The following SH2B2 variants were observed in gnomAD, a reference collection of about 807,000 sequenced individuals.
SH2B2 encodes the protein SH2B adaptor protein 2, also known as SH2B adapter protein 2.
Under a neutral mutation model 35.7 loss-of-function variants are expected in SH2B2, and 37 were observed. That is an observed-to-expected ratio of 1.04 (90% confidence interval 0.80 to 1.36). SH2B2 has a LOEUF of 1.36. Ranked by LOEUF, SH2B2 falls within the 40% of genes most tolerant of loss-of-function variation. The pLI, the probability that SH2B2 is intolerant of heterozygous loss-of-function variation, is 0.00. For synonymous variants in SH2B2, 383 were observed against 376.4 expected (o/e 1.02, Z -0.20); for missense variants, 852 against 817.7 (o/e 1.04, Z -0.51).
chr7:102,307,697 G>A (rs1048397175), intron 3 of SH2B2, among the ~76,000 whole-genome samples: 2 of 151,812 alleles, frequency 1.3e-5, no homozygotes, highest in Non-Finnish European at 2.9e-5. Flanking sequence ...TGTTCAGAGC[G>A]GGATTAAAGG....
chr7:102,299,507 T>G (rs1187855175), intron 1 of SH2B2, among the ~76,000 whole-genome samples: 1 of 152,008 alleles, frequency 6.6e-6, no homozygotes, highest in African/African-American at 2.4e-5. Flanking sequence ...GTCTTGAGTT[T>G]TGGAAATGAC....
rs1034548184 is a variant in SH2B2, at chr7:102,314,420, G to A, written c.1008G>A (p.Leu336=). ...TGGCCTCCTGCAGCTGTGAGCTCCTGACTGATGGTAGGTAGGGGGACAGGG... is the reference window on the plus strand; with the variant it reads ...TGGCCTCCTGCAGCTGTGAGCTCCTAACTGATGGTAGGTAGGGGGACAGGG... ...SRVASCSCEL[L]TDAVDLPRPP... Residue 336 remains leucine (L), a synonymous_variant, in exon 5 of 9, where the codon CTG becomes CTA. Coordinates refer to ENST00000444095, the MANE Select transcript of SH2B2 (RefSeq NM_001359228.2). 3.3e-5 allele frequency: 13 copies of A among 398,830 alleles called. No homozygotes were observed. In the East Asian group the frequency reaches 4.3e-4, roughly 13 times the overall value. 24.7% of individuals were successfully genotyped at this position (398,830 alleles called of 1,614,324 possible). A position where few individuals can be genotyped will look rare whatever the true frequency, so the allele number is the denominator to read the frequency against.
intron 4 of SH2B2, among the ~76,000 whole-genome samples, chr7:102,312,956 C>T (rs1793680337): frequency 6.6e-6 from 1 of 151,546 alleles, no homozygotes; most frequent in South Asian, 2.1e-4. Flanking sequence ...ATGGAGAAAC[C>T]CCATCTCTAC....
intron 1 of SH2B2, among the ~76,000 whole-genome samples, chr7:102,292,506 C>T (rs1282017443): frequency 2.8e-5 from 4 of 144,978 alleles, no homozygotes; most frequent in African/African-American, 7.7e-5. Flanking sequence ...ACTCCAGCCT[C>T]GGCAACAGAG....
intron 4 of SH2B2, among the ~76,000 whole-genome samples, chr7:102,310,747 G>A (rs987379463): frequency 1.3e-5 from 2 of 152,156 alleles, no homozygotes; most frequent in African/African-American, 2.4e-5. Context: ...CTCCTCCACC[G>A]CCCTCCGGAC....
intron 1 of SH2B2, among the ~76,000 whole-genome samples, chr7:102,291,991 A>G (rs1792690764): frequency 6.6e-6 from 1 of 152,080 alleles, no homozygotes; most frequent in South Asian, 2.1e-4. Context: ...GAGGAACAGC[A>G]GGATTGAAGG....
upstream of SH2B2, chr7:102,286,755 T>TAGGGGCGGGA (rs1554550895): frequency 9.5e-6 from 1 of 105,294 alleles, no homozygotes; most frequent in African/African-American, 3.5e-5. Context: ...GCGGCGCAAG[T>TAGGGGCGGGA]GGGGGCGGGA....
intron 7 of SH2B2, 53 bp downstream of exon 7, chr7:102,317,448 G>C (rs1554557314): frequency 6.9e-7 from 1 of 1,454,854 alleles, no homozygotes; most frequent in Non-Finnish European, 9.2e-7. Flanking sequence ...TGAGGGAGAG[G>C]GGTCATGGTG....
At chr7:102,311,991 T>C (rs886245286) in intron 4 of SH2B2, among the ~76,000 whole-genome samples, 2 of 151,110 alleles carry the variant, frequency 1.3e-5, no homozygotes, top group African/African-American at 2.4e-5. Context: ...GACAGGAGAA[T>C]TGCTTGAACC....
chr7:102,314,336 T>A lies in SH2B2; in HGVS notation c.924T>A (p.Gly308=). The change falls in exon 5 of 9, where the codon GGT becomes GGA. Residue 308 remains glycine, a splice_region_variant and synonymous_variant. Coordinates refer to ENST00000444095, the MANE Select transcript of SH2B2 (RefSeq NM_001359228.2). ...VADIQGCVDP[G]DSEEDTELSC... is the part of the protein sequence containing the mutation. ...TGGTTTCCATTTCTTGTCTCCACAG[T>A]GACAGTGAGGAAGACACCGAGCTCT... 2.5e-6 allele frequency: 1 copy of A among 398,574 alleles called. No homozygotes were observed. The allele number at this position is 398,574 out of a possible 1,614,324, so 24.7% of individuals were successfully genotyped here.
intron 3 of SH2B2, among the ~76,000 whole-genome samples, chr7:102,308,004 C>T (rs1793468995): frequency 6.6e-6 from 1 of 152,186 alleles, no homozygotes; most frequent in African/African-American, 2.4e-5. Context: ...CTCCTGAGCT[C>T]AGGAGATCTG....
chr7:102,300,753 A>G lies in SH2B2; in HGVS notation c.203A>G (p.Asn68Ser). ...TCCTTCTCCCGCCACTTCGCCGCCA[A>G]CTTCCTGGACGTCTTCGGCGAGGAG... ...GASFSRHFAANFLDVFGEEVR... is the reference protein window; with the variant it reads ...GASFSRHFAASFLDVFGEEVR... The change falls in exon 2 of 9, where the codon AAC becomes AGC. Residue 68 changes from asparagine to serine, a missense_variant. Around this residue, in one of 3 missense-constraint regions of SH2B2, gnomAD observed 294 missense variants for 286.6 expected, o/e 1.03. Transcript: ENST00000444095. The G allele has an allele frequency of 9.7e-6, 15 of 1,539,492 alleles. No homozygotes were observed. Among genetic ancestry groups the G allele is most frequent in the Non-Finnish European group, 1.3e-5 (15 of 1,139,388 alleles).
intron 1 of SH2B2, among the ~76,000 whole-genome samples, chr7:102,296,385 A>T (rs1792914529): frequency 6.6e-6 from 1 of 152,180 alleles, no homozygotes; most frequent in South Asian, 2.1e-4. Flanking sequence ...CGAGGGCATG[A>T]TCCTCTAACT....
intron 6 of SH2B2, 165 bp from the exon 7 acceptor site, chr7:102,317,022 C>CA (rs1166704505): frequency 9.7e-3 from 5,095 of 527,666 alleles, no homozygotes; most frequent in South Asian, 0.014. Flanking sequence ...AACTTCGTCT[C>CA]AAAAAAAAAA....
intron 4 of SH2B2, among the ~76,000 whole-genome samples, chr7:102,311,733 T>C (rs1315708211): frequency 6.6e-6 from 1 of 152,008 alleles, no homozygotes; most frequent in Non-Finnish European, 1.5e-5. Flanking sequence ...AAAAAGCATG[T>C]AAATTTATTT....
rs190698442 is a variant in SH2B2, at chr7:102,288,113, T to A, written c.-30+1019T>A. ...GAATTGCGTCCCAGAGTCAGGTCCCTGGAGCTCCTCTGGGAGGACTGGGGG... is the reference window on the plus strand; with the variant it reads ...GAATTGCGTCCCAGAGTCAGGTCCCAGGAGCTCCTCTGGGAGGACTGGGGG... On this transcript the variant is annotated intron_variant, in intron 1 of 8. Transcript: ENST00000444095. Among the ~76,000 whole-genome samples the A allele has an allele frequency of 2.7e-3, 405 of 152,210 alleles. 2 individuals are homozygous for A. The highest frequency in any genetic ancestry group is 8.8e-3 in the African/African-American group (366 of 41,560).
intron 3 of SH2B2, among the ~76,000 whole-genome samples, 154 bp from the exon 4 acceptor site, chr7:102,308,661 G>A (rs1220131283): frequency 5.9e-5 from 9 of 152,192 alleles, no homozygotes; most frequent in Non-Finnish European, 1.2e-4. Flanking sequence ...GGTGGTGCCC[G>A]ATGGTGACCC....
chr7:102,300,111 C>T (rs999572246), intron 1 of SH2B2, among the ~76,000 whole-genome samples: 1 of 152,176 alleles, frequency 6.6e-6, no homozygotes, highest in Non-Finnish European at 1.5e-5. Flanking sequence ...GCAACCTCTG[C>T]CTCTTGGGCT....
chr7:102,313,406 C>T (rs1793700856), intron 4 of SH2B2, among the ~76,000 whole-genome samples: 1 of 150,962 alleles, frequency 6.6e-6, no homozygotes, highest in South Asian at 2.1e-4. Context: ...TGAGATCGTG[C>T]CACTGCACTC....
Sources: gnomAD v4.1 joint callset for allele counts (sites outside exome capture counted in the v4.1 genomes callset) on GRCh38, gnomAD v4.1.1 for gene constraint, gnomAD v4.1.1 regional missense constraint, MANE v1.5 for transcripts, NCBI Gene and HGNC (gene_info 2026-07-23, HGNC 2026-07-21) for gene names.